GRHL3: variants seen among roughly 807,000 people sequenced by gnomAD.
The protein encoded by GRHL3 is grainyhead like transcription factor 3, also known as grainyhead-like protein 3 homolog.
Under a neutral mutation model 70.3 loss-of-function variants are expected in GRHL3, and 20 were observed. The ratio of observed to expected loss-of-function variants is 0.28; its 90% CI spans 0.20 to 0.41. The LOEUF (loss-of-function observed/expected upper bound fraction) is 0.41. Ranked by LOEUF, GRHL3 falls within the 10% of genes least tolerant of loss-of-function variation. The pLI is 1.00. For synonymous variants in GRHL3, 299 were observed against 299.9 expected (o/e 1.00, Z 0.03); for missense variants, 637 against 762.3 (o/e 0.84, Z 1.94).
At chr1:24,352,859 C>T (rs1640570802) in intron 15 of GRHL3, among the ~76,000 whole-genome samples, 1 of 152,188 alleles carries the variant, frequency 6.6e-6, no homozygotes, top group East Asian at 1.9e-4. Context: ...CATTGGCAGT[C>T]AGCGCTCAAA....
intron 15 of GRHL3, among the ~76,000 whole-genome samples, chr1:24,363,633 T>C (rs1009186467): frequency 9.9e-5 from 15 of 152,250 alleles, no homozygotes; most frequent in African/African-American, 3.6e-4. Context: ...GTGCTTTACT[T>C]GTAACATTTG....
At chr1:24,349,012 C>A (rs1640399558) in intron 14 of GRHL3, among the ~76,000 whole-genome samples, 1 of 152,216 alleles carries the variant, frequency 6.6e-6, no homozygotes. Flanking sequence ...TTTACACAAT[C>A]GTCTCAGTTC....
intron 8 of GRHL3, among the ~76,000 whole-genome samples, chr1:24,340,096 G>A (rs955508211): frequency 2.6e-5 from 4 of 152,206 alleles, no homozygotes; most frequent in African/African-American, 9.7e-5. Flanking sequence ...AAAAGGTGGA[G>A]CACACGCCTG....
At chr1:24,361,124 AC>A in intron 15 of GRHL3, 1 of 1,268,544 alleles carries the variant, frequency 7.9e-7, no homozygotes, top group Non-Finnish European at 1.1e-6. Flanking sequence ...CAAGACCTGC[AC>A]AGCAGCAAGC....
intron 15 of GRHL3, among the ~76,000 whole-genome samples, chr1:24,362,144 A>G (rs1278613796): frequency 1.3e-5 from 2 of 152,208 alleles, no homozygotes; most frequent in Non-Finnish European, 2.9e-5. Context: ...CCATCCAAGC[A>G]AAGGAGGGGA....
At chr1:24,360,630 T>A (rs540570197) in intron 15 of GRHL3, among the ~76,000 whole-genome samples, 28 of 152,230 alleles carry the variant, frequency 1.8e-4, no homozygotes, top group Non-Finnish European at 3.8e-4. Context: ...TGGTCCTCAG[T>A]ATGAATCCCT....
chr1:24,357,512 T>C (rs1640802647), downstream of GRHL3: 2 of 152,994 alleles, frequency 1.3e-5, no homozygotes, highest in Admixed American at 1.3e-4. Context: ...CAGGCCTCAG[T>C]ACTTTTTAAA....
intron 15 of GRHL3, among the ~76,000 whole-genome samples, chr1:24,350,649 GTTACTGA>G (rs1640467473): frequency 6.6e-6 from 1 of 152,212 alleles, no homozygotes; most frequent in African/African-American, 2.4e-5. Flanking sequence ...CAACAAAGTT[GTTACTGA>G]CAGAGCCGTA....
At chr1:24,337,862 G>A in intron 6 of GRHL3, 73 bp downstream of exon 6, 1 of 1,597,640 alleles carries the variant, frequency 6.3e-7, no homozygotes, top group Admixed American at 1.7e-5. Context: ...GCTAGCCACG[G>A]ACCCTGGGGA....
chr1:24,322,998 C>A lies in GRHL3; in HGVS notation c.17+3430C>A. On this transcript the variant is annotated intron_variant, in intron 1 of 15. Coordinates refer to ENST00000361548, the MANE Select transcript of GRHL3 (RefSeq NM_198173.3). The surrounding 1 kb of genome is among the most constrained non-coding windows in gnomAD (Gnocchi z 4.4). ...CGGGTCTTAGCCGAGCAGCCATAGG[C>A]CACCCCGCTTCCTCTGTGCTTAGCC... 7.7e-7 allele frequency: 1 copy of A among 1,295,094 alleles called. No homozygotes were observed. Among genetic ancestry groups the A allele is most frequent in the Non-Finnish European group, 1.1e-6 (1 of 916,848 alleles). 80.2% of individuals were successfully genotyped at this position (1,295,094 alleles called of 1,614,324 possible). A position where few individuals can be genotyped will look rare whatever the true frequency, so the allele number is the denominator to read the frequency against.
intron 2 of GRHL3, among the ~76,000 whole-genome samples, chr1:24,332,831 G>A (rs1299574009): frequency 1.3e-5 from 2 of 152,238 alleles, no homozygotes; most frequent in Non-Finnish European, 2.9e-5. Context: ...CCAGATAGGA[G>A]AAAGCCCAAA....
intron 15 of GRHL3, chr1:24,360,754 G>A (rs1233620394): frequency 6.2e-6 from 7 of 1,124,576 alleles, no homozygotes; most frequent in East Asian, 2.4e-5. Context: ...AACCTATTTG[G>A]GAAACAACCT....
downstream of GRHL3, chr1:24,357,640 GAAAGACTAAACAGCGTCAGTC>G (rs1640810082): frequency 1.2e-5 from 2 of 163,902 alleles, no homozygotes; most frequent in African/African-American, 4.8e-5. Flanking sequence ...TTAATGTACA[GAAAGACTAAACAGCGTCAGTC>G]AAAGCCTGCT....
At chr1:24,324,992 G>T (rs1172081775) in intron 1 of GRHL3, among the ~76,000 whole-genome samples, 1 of 152,186 alleles carries the variant, frequency 6.6e-6, no homozygotes, top group Non-Finnish European at 1.5e-5. Flanking sequence ...GAACCCTGGG[G>T]CGCCCCTGTC....
chr1:24,344,963 C>A, intron 12 of GRHL3, 32 bp downstream of exon 12: 1 of 1,589,424 alleles, frequency 6.3e-7, no homozygotes. Flanking sequence ...CGCCTCCCTC[C>A]ACACCTGTGC....
intron 1 of GRHL3, among the ~76,000 whole-genome samples, chr1:24,330,205 A>G (rs1477892785): frequency 6.6e-6 from 1 of 152,234 alleles, no homozygotes; most frequent in African/African-American, 2.4e-5. Flanking sequence ...AATATTTATC[A>G]TTTCTTTGGG....
At chr1:24,330,750 G>A (rs891916086) in intron 1 of GRHL3, among the ~76,000 whole-genome samples, 4 of 152,212 alleles carry the variant, frequency 2.6e-5, no homozygotes, top group African/African-American at 9.6e-5. Context: ...TCTTGAGCGA[G>A]ATAATGCCTT....
At chr1:24,337,479 C>T in intron 5 of GRHL3, 157 bp from the exon 6 acceptor site, 5 of 725,678 alleles carry the variant, frequency 6.9e-6, no homozygotes, top group Admixed American at 2.8e-5. Flanking sequence ...TAAATAGAAC[C>T]CCCAAATTGA....
At chr1:24,320,033 G>T (rs1276419603) in intron 1 of GRHL3, 3 of 199,608 alleles carry the variant, frequency 1.5e-5, no homozygotes, top group Non-Finnish European at 3.2e-5. Flanking sequence ...GAAGGTTACA[G>T]TGTGGTGGTT....
Sources: allele counts gnomAD v4.1 joint callset (sites outside exome capture counted in the v4.1 genomes callset), GRCh38; gene constraint gnomAD v4.1.1; non-coding constraint Gnocchi (gnomAD v3.1); transcripts MANE v1.5; gene names NCBI Gene and HGNC (gene_info 2026-07-23, HGNC 2026-07-21).